PYY: variants seen among roughly 807,000 people sequenced by gnomAD.
PYY encodes the protein peptide YY, also known as peptide tyrosine tyrosine.
A neutral mutation model predicts 10.3 loss-of-function variants in PYY; 12 were observed. The observed-to-expected ratio is 1.17, with a 90% CI of 0.75 to 1.89. The LOEUF (loss-of-function observed/expected upper bound fraction) is 1.89, where lower values mean the gene tolerates loss of function less well. Among genes scored for constraint, PYY ranks in the 40% most tolerant of loss-of-function variants. The probability of loss-of-function intolerance (pLI) is 0.00; values close to 1 mark genes in which losing one functional copy is unlikely to be tolerated. For missense variants in PYY, 141 were observed against 134.0 expected (o/e 1.05, Z -0.26); for synonymous variants, 66 against 62.0 (o/e 1.06, Z -0.30).
chr17:43,954,316 G>C (rs1248420673), upstream of PYY, among the ~76,000 whole-genome samples: 1 of 152,106 alleles, frequency 6.6e-6, no homozygotes, highest in Non-Finnish European at 1.5e-5. Context: ...GTTGGGGGTG[G>C]GAGGGTGGAC....
Position 43,953,371 on chromosome 17 carries a change from T to A in PYY, c.113A>T (p.Glu38Val). The A allele has an allele frequency of 6.2e-7, 1 of 1,612,370 alleles. No individual in the cohort carries two copies. The highest frequency in any genetic ancestry group is 8.5e-7 in the Non-Finnish European group (1 of 1,179,358). ...GTTCAGCTCCTCCGGCGAGGCGTCT[T>A]CGCGGGGAGCCTCGGGTTTGATGGG... is the stretch of plus-strand genomic sequence containing the variant. ...AYPIKPEAPREDASPEELNRY... is the reference protein window; with the variant it reads ...AYPIKPEAPRVDASPEELNRY... The change falls in exon 2 of 4, where the codon GAA (glutamate) becomes GTA (valine). Residue 38 changes from glutamate to valine, a missense_variant. Physicochemically the swap from Glu to Val is moderately radical, Grantham distance 121 (BLOSUM62 -2). Coordinates refer to ENST00000692052, the MANE Select transcript of PYY (RefSeq NM_001394028.1).
At chr17:44,003,691 G>C (rs933303284) in intron 1 of PYY, among the ~76,000 whole-genome samples, 26 of 133,284 alleles carry the variant, frequency 2.0e-4, no homozygotes, top group African/African-American at 6.8e-4. Context: ...AAAAAAAAAA[G>C]GGTTACAGAG....
chr17:43,992,215 T>A (rs917306981), intron 1 of PYY, among the ~76,000 whole-genome samples: 6 of 152,196 alleles, frequency 3.9e-5, no homozygotes, highest in Non-Finnish European at 8.8e-5. Context: ...GGGAACGTTT[T>A]ATGCACAAAA....
At chr17:43,958,538 C>A (rs963263671), upstream of PYY, among the ~76,000 whole-genome samples, 2 of 152,150 alleles carry the variant, frequency 1.3e-5, no homozygotes, top group Admixed American at 1.3e-4. Context: ...TGCCACCACG[C>A]CTGGCTAATT....
At chr17:43,986,167 G>C (rs1567935283) in intron 1 of PYY, among the ~76,000 whole-genome samples, 1 of 152,210 alleles carries the variant, frequency 6.6e-6, no homozygotes. Context: ...GCTGAGGCAG[G>C]AGAATTGCTT....
intron 1 of PYY, among the ~76,000 whole-genome samples, chr17:43,982,313 G>A (rs1467997984): frequency 6.6e-6 from 1 of 152,178 alleles, no homozygotes; most frequent in Non-Finnish European, 1.5e-5. Flanking sequence ...GCTAGGATGG[G>A]GCAAAAACAC....
intron 1 of PYY, among the ~76,000 whole-genome samples, chr17:43,993,341 C>T (rs1325011976): frequency 6.6e-6 from 1 of 152,020 alleles, no homozygotes; most frequent in Non-Finnish European, 1.5e-5. Context: ...TGTCTGTAGT[C>T]CCAGGTACTC....
In PYY at chr17:43,987,911, G is replaced by A. The variant is rs2048925883; in HGVS notation, c.-463+16480C>T. Among the ~76,000 whole-genome samples the A allele has an allele frequency of 6.6e-6, 1 of 152,118 alleles. No homozygotes were observed. The highest frequency in any genetic ancestry group is 1.5e-5 in the Non-Finnish European group (1 of 68,010). On this transcript the variant is annotated intron_variant, in intron 1 of 6. Coordinates refer to the PYY transcript ENST00000360085. The surrounding 1 kb of genome is among the most constrained non-coding windows in gnomAD (Gnocchi z 4.0). ...TAGCAGGGAGGGGCAGAGAGCGGTG[G>A]GACATATGCCTCCATCTGTCCTGTC...
At chr17:43,979,432 G>A (rs1276513981) in intron 1 of PYY, among the ~76,000 whole-genome samples, 1 of 152,062 alleles carries the variant, frequency 6.6e-6, no homozygotes, top group African/African-American at 2.4e-5. Flanking sequence ...TCTAGACAAT[G>A]GCTGCACCTG....
intron 1 of PYY, among the ~76,000 whole-genome samples, chr17:43,976,283 G>GTATATACA (rs1456094848): frequency 3.4e-5 from 3 of 87,182 alleles, no homozygotes; most frequent in African/African-American, 1.6e-4. Context: ...GTATATATAC[G>GTATATACA]CATATGTATA....
chr17:44,002,091 A>G (rs753814234), intron 1 of PYY, among the ~76,000 whole-genome samples: 3 of 152,158 alleles, frequency 2.0e-5, no homozygotes, highest in Non-Finnish European at 4.4e-5. Context: ...CCTCCACGCC[A>G]TTGCTTCATG....
chr17:43,997,663 C>G lies in PYY; in HGVS notation c.-463+6728G>C, dbSNP rs375199503. On this transcript the variant is annotated intron_variant, in intron 1 of 6. Coordinates refer to the PYY transcript ENST00000360085. ...CATGGGACTCACCTTTCAAAAATCA[C>G]TGAGGCAGCTGTGTTGAGAATAGAC... Among the ~76,000 whole-genome samples the G allele has an allele frequency of 1.1e-4, 17 of 152,236 alleles. No homozygotes were observed. In the East Asian group the frequency reaches 2.7e-3, roughly 24 times the overall value.
chr17:43,976,231 A>ACC (rs2048839839), intron 1 of PYY, among the ~76,000 whole-genome samples: 1 of 144,004 alleles, frequency 6.9e-6, no homozygotes, highest in Non-Finnish European at 1.5e-5. Flanking sequence ...ACATATATAC[A>ACC]TATGCGTATA....
chr17:43,988,699 C>CT (rs1239419985), intron 1 of PYY, among the ~76,000 whole-genome samples: 1 of 151,636 alleles, frequency 6.6e-6, no homozygotes, highest in Non-Finnish European at 1.5e-5. Flanking sequence ...TCAATAACAT[C>CT]TTTTTTTCTT....
chr17:43,969,632 C>T (rs754922828), intron 1 of PYY, among the ~76,000 whole-genome samples: 2 of 151,888 alleles, frequency 1.3e-5, no homozygotes, highest in Admixed American at 6.6e-5. Flanking sequence ...GGCTGGGTAT[C>T]TCACGCCTAT....
At chr17:43,963,799 T>G (rs2048736166) in intron 2 of PYY, among the ~76,000 whole-genome samples, 1 of 130,678 alleles carries the variant, frequency 7.7e-6, no homozygotes, top group African/African-American at 2.6e-5. Context: ...GAGACCCTAT[T>G]TCTACCAAAA....
Position 43,952,977 on chromosome 17 carries a change from C to A in PYY, c.273G>T (p.Ser91=), listed in dbSNP as rs181389475. 54 of 1,566,004 alleles carry A rather than the reference C, an allele frequency of 3.4e-5. No individual in the cohort carries two copies. The highest frequency in any genetic ancestry group is 2.3e-4 in the Admixed American group (12 of 52,708). Residue 91 remains serine (S), a synonymous_variant, in exon 4 of 4, where the codon TCG becomes TCT. Coordinates refer to ENST00000692052, the MANE Select transcript of PYY (RefSeq NM_001394028.1). ...DGEDRPVRSR[S]EGPDLW is the part of the protein sequence containing the mutation. ...GTCCTCACCACAGGTCTGGGCCCTC[C>A]GACCTGCGGAAGCGAAGGGGAAGGA...
At chr17:43,972,195 A>AT (rs376003060) in intron 1 of PYY, among the ~76,000 whole-genome samples, 3,605 of 99,874 alleles carry the variant, frequency 0.036, 153 homozygotes, top group African/African-American at 0.18. Flanking sequence ...ATTTTATTTT[A>AT]TTTATTTATT....
At chr17:43,994,884 G>A (rs1235605198) in intron 1 of PYY, among the ~76,000 whole-genome samples, 3 of 152,272 alleles carry the variant, frequency 2.0e-5, no homozygotes, top group South Asian at 2.1e-4. Flanking sequence ...GGCCCCGGGG[G>A]AAAGGCGGTA....
Sources: gnomAD v4.1 joint callset for allele counts (sites outside exome capture counted in the v4.1 genomes callset) on GRCh38, gnomAD v4.1.1 for gene constraint, Gnocchi (gnomAD v3.1) non-coding constraint, MANE v1.5 for transcripts, NCBI Gene and HGNC (gene_info 2026-07-23, HGNC 2026-07-21) for gene names.